DHRS11: variants seen among roughly 807,000 people sequenced by gnomAD.
The protein encoded by DHRS11 is dehydrogenase/reductase SDR family member 11.
In DHRS11, 18 loss-of-function variants were observed where a neutral mutation model predicts 30.7. That is an observed-to-expected ratio of 0.59 (90% confidence interval 0.41 to 0.87). DHRS11 has a LOEUF of 0.87. Among genes scored for constraint, DHRS11 ranks in the 40% least tolerant of loss-of-function variants. The probability of loss-of-function intolerance (pLI) is 0.00; values close to 1 mark genes in which losing one functional copy is unlikely to be tolerated. For missense variants in DHRS11, 300 were observed against 349.0 expected (o/e 0.86, Z 1.12); for synonymous variants, 123 against 139.6 (o/e 0.88, Z 0.84).
intron 2 of DHRS11, chr17:36,596,999 C>T: frequency 2.4e-6 from 1 of 413,932 alleles, no homozygotes; most frequent in South Asian, 1.8e-5. Flanking sequence ...ATTCCTACAG[C>T]TCCTTTCAGC....
At chr17:36,594,884 G>A in intron 1 of DHRS11, 87 bp from the exon 2 acceptor site, 1 of 1,393,566 alleles carries the variant, frequency 7.2e-7, no homozygotes, top group Non-Finnish European at 1.0e-6. Context: ...TGTTTTATGA[G>A]TGTGACGGGG....
At chr17:36,595,316 T>C in intron 2 of DHRS11, 136 bp downstream of exon 2, 2 of 854,660 alleles carry the variant, frequency 2.3e-6, no homozygotes, top group Non-Finnish European at 3.6e-6. Flanking sequence ...TGGGGCATCT[T>C]GACTCTCTCT....
chr17:36,598,937 G>A lies in DHRS11; in HGVS notation c.469G>A (p.Val157Met). ...CCCACCCAGCATGTCTGGCCACCGA[G>A]TGTTACCCCTGTCTGTGACCCACTT... Reference protein sequence around the residue: ...ININSMSGHRVLPLSVTHFYS... With the variant: ...ININSMSGHRMLPLSVTHFYS... The change falls in exon 4 of 7, where the codon GTG (valine) becomes ATG (methionine). Residue 157 changes from valine to methionine, a missense_variant. By Grantham distance (21) the Val-to-Met change is conservative. Coordinates refer to ENST00000618403, the MANE Select transcript of DHRS11 (RefSeq NM_024308.4). 1 of 1,613,310 alleles carries A rather than the reference G, an allele frequency of 6.2e-7. No individual in the cohort carries two copies. Among genetic ancestry groups the A allele is most frequent in the South Asian group, 1.1e-5 (1 of 91,028 alleles).
In DHRS11 at chr17:36,600,220, T is replaced by G. The variant is rs1423382484; in HGVS notation, c.*17T>G. On this transcript the variant is annotated 3_prime_UTR_variant, in exon 7 of 7. Coordinates refer to ENST00000618403, the MANE Select transcript of DHRS11 (RefSeq NM_024308.4). ...GTGACCTAGTGACTGTGGGAGCTCC[T>G]CCTTCCCTCCCCACCCTTCATGGCT... is the stretch of plus-strand genomic sequence containing the variant. 1.2e-6 allele frequency: 2 copies of G among 1,614,118 alleles called. No individual in the cohort carries two copies. Among genetic ancestry groups the G allele is most frequent in the South Asian group, 2.2e-5 (2 of 91,062 alleles).
At position 36,598,987 on chromosome 17, in the gene DHRS11, C is replaced by T; in HGVS notation, c.519C>T (p.Val173=). Residue 173 remains valine (V), a synonymous_variant, in exon 4 of 7, where the codon GTC becomes GTT. Transcript: ENST00000618403. ...TCTATAGTGCCACCAAGTATGCCGT[C>T]ACTGCGCTGACAGAGGGACTGAGGC... ...THFYSATKYA[V]TALTEGLRQE... 1 of 1,613,536 alleles carries T rather than the reference C, an allele frequency of 6.2e-7. No individual in the cohort carries two copies.
rs1484175178 is a variant in DHRS11, at chr17:36,596,184, A to G, written c.357+1004A>G. ...GAAATTTTTTTTTTTTTTGAGGCGA[A>G]GTCTTGCTCTGTAGTTACCAGGCTG... On this transcript the variant is annotated intron_variant, in intron 2 of 6. Coordinates refer to ENST00000618403, the MANE Select transcript of DHRS11 (RefSeq NM_024308.4). 2.0e-5 allele frequency: 3 copies of G among 151,596 alleles called. No individual in the cohort carries two copies. In the Middle Eastern group the frequency reaches 0.01, roughly 516 times the overall value. 9.4% of individuals were successfully genotyped at this position (151,596 alleles called of 1,614,324 possible).
chr17:36,595,626 T>C (rs1733725331), intron 2 of DHRS11, among the ~76,000 whole-genome samples: 1 of 152,076 alleles, frequency 6.6e-6, no homozygotes, highest in Admixed American at 6.6e-5. Flanking sequence ...TTTCACCTTG[T>C]TGGCCAGGCT....
chr17:36,599,501 G>A lies in DHRS11; in HGVS notation c.583-170G>A, dbSNP rs565156554. 246 of 636,330 alleles carry A rather than the reference G, an allele frequency of 3.9e-4. No homozygotes were observed. In the South Asian group the frequency reaches 4.6e-3, roughly 12 times the overall value. The allele number at this position is 636,330 out of a possible 1,614,324, so 39.4% of individuals were successfully genotyped here. A position where few individuals can be genotyped will look rare whatever the true frequency, so the allele number is the denominator to read the frequency against. On this transcript the variant is annotated intron_variant, in intron 4 of 6. Coordinates refer to ENST00000618403, the MANE Select transcript of DHRS11 (RefSeq NM_024308.4). ...TATAGGAAAGGCTCTGTAGATGGTA[G>A]GTATCATTGTGGTCACTGCCAGTGG...
Position 36,598,241 on chromosome 17 carries a change from A to G in DHRS11, c.436A>G (p.Ile146Val), listed in dbSNP as rs781468524. The G allele has an allele frequency of 5.0e-6, 8 of 1,614,112 alleles. No individual in the cohort carries two copies. The highest frequency in any genetic ancestry group is 6.8e-6 in the Non-Finnish European group (8 of 1,179,982). Residue 146 changes from isoleucine (I) to valine (V), a missense_variant, in exon 3 of 7, where the codon ATC becomes GTC. Coordinates refer to ENST00000618403, the MANE Select transcript of DHRS11 (RefSeq NM_024308.4). ...GGAGCGGAATGTGGACGATGGGCAC[A>G]TCATTAACATCAATAGGTGAGGGCA... ...MKERNVDDGH[I>V]ININSMSGHR...
In DHRS11 at chr17:36,592,274, A is replaced by C; in HGVS notation, c.147+118A>C. 1 of 1,174,278 alleles carries C rather than the reference A, an allele frequency of 8.5e-7. No individual in the cohort carries two copies. The highest frequency in any genetic ancestry group is 1.1e-6 in the Non-Finnish European group (1 of 937,256). The allele number at this position is 1,174,278 out of a possible 1,614,324, so 72.7% of individuals were successfully genotyped here. ...TCGGGGCGGCCTCTCGGATCCCTTA[A>C]GGCAGGCTTCTCCCTTCCCCTTAAG... On this transcript the variant is annotated intron_variant, in intron 1 of 6. Coordinates refer to ENST00000618403, the MANE Select transcript of DHRS11 (RefSeq NM_024308.4). The surrounding 1 kb of genome is among the most constrained non-coding windows in gnomAD (Gnocchi z 4.4).
At chr17:36,595,319 C>T (rs2074801467) in intron 2 of DHRS11, 139 bp downstream of exon 2, 1 of 832,554 alleles carries the variant, frequency 1.2e-6, no homozygotes, top group African/African-American at 1.7e-5. Flanking sequence ...GGCATCTTGA[C>T]TCTCTCTTGG....
chr17:36,592,179 G>A lies in DHRS11; in HGVS notation c.147+23G>A. 7.9e-7 allele frequency: 1 copy of A among 1,264,438 alleles called. No individual in the cohort carries two copies. The highest frequency in any genetic ancestry group is 3.8e-5 in the Admixed American group (1 of 26,186). The allele number at this position is 1,264,438 out of a possible 1,614,324, so 78.3% of individuals were successfully genotyped here. ...GAGGTGAGGCCGGGCCGAGGGCGGG[G>A]ACGTCGCGGGCGGGTCGTTTCCCCG... is the stretch of plus-strand genomic sequence containing the variant. On this transcript the variant is annotated intron_variant, in intron 1 of 6. Transcript: ENST00000618403. The surrounding 1 kb of genome is among the most constrained non-coding windows in gnomAD (Gnocchi z 4.4).
At chr17:36,599,082 G>A in intron 4 of DHRS11, 32 bp downstream of exon 4, 1 of 1,602,078 alleles carries the variant, frequency 6.2e-7, no homozygotes, top group Non-Finnish European at 8.5e-7. Context: ...GGTGGGCACA[G>A]GGTGGCGCAG....
In DHRS11 at chr17:36,591,903, G is replaced by T. The variant is rs1461150018; in HGVS notation, c.-107G>T. Reference sequence around the variant, plus strand: ...CGGGACTCTGGTGGGTCTAGGCGCGGATCGGACCCAAGCAGGTCGGCGGCG... The same window carrying T: ...CGGGACTCTGGTGGGTCTAGGCGCGTATCGGACCCAAGCAGGTCGGCGGCG... On this transcript the variant is annotated 5_prime_UTR_variant, in exon 1 of 7. Transcript: ENST00000618403. 8.6e-6 allele frequency: 10 copies of T among 1,157,054 alleles called. No homozygotes were observed. Among genetic ancestry groups the T allele is most frequent in the Non-Finnish European group, 1.1e-5 (10 of 925,074 alleles). The allele number at this position is 1,157,054 out of a possible 1,614,324, so 71.7% of individuals were successfully genotyped here. A position where few individuals can be genotyped will look rare whatever the true frequency, so the allele number is the denominator to read the frequency against.
intron 2 of DHRS11, chr17:36,596,776 G>A (rs2074814431): frequency 2.8e-5 from 13 of 470,954 alleles, no homozygotes. Flanking sequence ...TGAAAGCAGT[G>A]TGTGAATGGG....
In DHRS11 at chr17:36,600,238, T is replaced by G; in HGVS notation, c.*35T>G. On this transcript the variant is annotated 3_prime_UTR_variant, in exon 7 of 7. Coordinates refer to ENST00000618403, the MANE Select transcript of DHRS11 (RefSeq NM_024308.4). ...GAGCTCCTCCTTCCCTCCCCACCCT[T>G]CATGGCTTGCCTCCTGCCTCTGGAT... 1 of 1,613,774 alleles carries G rather than the reference T, an allele frequency of 6.2e-7. No homozygotes were observed. The highest frequency in any genetic ancestry group is 8.5e-7 in the Non-Finnish European group (1 of 1,179,782).
In DHRS11 at chr17:36,599,741, C is replaced by G; in HGVS notation, c.653C>G (p.Ala218Gly). 2 of 1,614,210 alleles carry G rather than the reference C, an allele frequency of 1.2e-6. No homozygotes were observed. The highest frequency in any genetic ancestry group is 2.2e-5 in the East Asian group (1 of 44,880). Reference sequence around the variant, plus strand: ...CACGACAAGGACCCTGAGAAGGCAGCTGCCACCTATGAGCAAATGAAGGTG... The same window carrying G: ...CACGACAAGGACCCTGAGAAGGCAGGTGCCACCTATGAGCAAATGAAGGTG... ...KLHDKDPEKA[A>G]ATYEQMKCLK... The change falls in exon 5 of 7, where the codon GCT becomes GGT. Residue 218 changes from alanine (A) to glycine (G), a missense_variant. Ala to Gly is a moderately conservative substitution (Grantham distance 60). Transcript: ENST00000618403.
At chr17:36,599,815 A>G in intron 5 of DHRS11, 52 bp downstream of exon 5, 1 of 1,604,914 alleles carries the variant, frequency 6.2e-7, no homozygotes, top group Non-Finnish European at 8.5e-7. Context: ...AAATGAAGGC[A>G]GAGGGAAGCT....
chr17:36,597,110 G>A (rs1567842121), intron 2 of DHRS11: 3 of 280,374 alleles, frequency 1.1e-5, no homozygotes, highest in Non-Finnish European at 2.2e-5. Flanking sequence ...CTGGTCCCAG[G>A]GGATCTATTT....
Sources: gnomAD v4.1 joint callset for allele counts (sites outside exome capture counted in the v4.1 genomes callset) on GRCh38, gnomAD v4.1.1 for gene constraint, Gnocchi (gnomAD v3.1) non-coding constraint, MANE v1.5 for transcripts, NCBI Gene and HGNC (gene_info 2026-07-23, HGNC 2026-07-21) for gene names.